TEX36: variants seen among roughly 807,000 people sequenced by gnomAD.
The protein encoded by TEX36 is testis expressed 36, also known as testis-expressed protein 36.
TEX36 carries 12 observed loss-of-function variants against 13.6 expected under a neutral mutation model. The ratio of observed to expected loss-of-function variants is 0.88; its 90% CI spans 0.56 to 1.43. TEX36 has a LOEUF of 1.43. Ranked by LOEUF, TEX36 falls within the 40% of genes most tolerant of loss-of-function variation. TEX36 has a pLI of 0.00. For synonymous variants in TEX36, 93 were observed against 83.0 expected (o/e 1.12, Z -0.65); for missense variants, 224 against 228.3 (o/e 0.98, Z 0.12).
At chr10:125,580,730 T>C (rs764425640) in intron 3 of TEX36, among the ~76,000 whole-genome samples, 11 of 152,088 alleles carry the variant, frequency 7.2e-5, no homozygotes, top group Non-Finnish European at 1.3e-4. Flanking sequence ...CGCTTCCAGT[T>C]ACAGGCCCCA....
intron 3 of TEX36, among the ~76,000 whole-genome samples, chr10:125,597,171 T>C (rs1394048454): frequency 6.6e-6 from 1 of 152,176 alleles, no homozygotes; most frequent in Non-Finnish European, 1.5e-5. Flanking sequence ...TTGTAGTCCA[T>C]CTGTCTTCTC....
chr10:125,659,632 G>A (rs10901413), intron 3 of TEX36, among the ~76,000 whole-genome samples: 16,690 of 152,098 alleles, frequency 0.11, 1,329 homozygotes, highest in East Asian at 0.3. Context: ...TGGGGTTAAG[G>A]CACTTCTATT....
chr10:125,618,226 G>C (rs962162631), downstream of TEX36, among the ~76,000 whole-genome samples: 1 of 152,114 alleles, frequency 6.6e-6, no homozygotes, highest in Non-Finnish European at 1.5e-5. Context: ...TTTGCCTTTG[G>C]TTTGAATTTC....
chr10:125,606,409 A>T (rs1009300716), intron 3 of TEX36, among the ~76,000 whole-genome samples: 2 of 152,238 alleles, frequency 1.3e-5, no homozygotes, highest in Non-Finnish European at 2.9e-5. Context: ...AAACCAAGTC[A>T]TGTACACCAT....
chr10:125,678,544 C>T (rs1474367475), intron 1 of TEX36, among the ~76,000 whole-genome samples: 6 of 152,000 alleles, frequency 3.9e-5, no homozygotes, highest in Non-Finnish European at 8.8e-5. Context: ...CAGCAATGAA[C>T]GAGGCAGGTG....
At chr10:125,658,301 T>A (rs1036175182) in intron 3 of TEX36, among the ~76,000 whole-genome samples, 2 of 152,146 alleles carry the variant, frequency 1.3e-5, no homozygotes, top group East Asian at 3.9e-4. Flanking sequence ...AATTTATGGC[T>A]AAAGGCATTA....
intron 3 of TEX36, among the ~76,000 whole-genome samples, chr10:125,608,098 G>C (rs1028888863): frequency 6.6e-6 from 1 of 152,180 alleles, no homozygotes; most frequent in Non-Finnish European, 1.5e-5. Flanking sequence ...AACAGGTTTA[G>C]CAACAGCTCA....
intron 3 of TEX36, among the ~76,000 whole-genome samples, chr10:125,585,406 G>C (rs1300762828): frequency 6.6e-6 from 1 of 152,140 alleles, no homozygotes; most frequent in Non-Finnish European, 1.5e-5. Flanking sequence ...TTGAGCTGAG[G>C]AAGCTTGGGG....
At chr10:125,654,287 T>C (rs1449405530), downstream of TEX36, among the ~76,000 whole-genome samples, 2 of 152,074 alleles carry the variant, frequency 1.3e-5, no homozygotes, top group African/African-American at 4.8e-5. Flanking sequence ...AAAACCAATC[T>C]AAAAGTGCAA....
chr10:125,604,166 G>A (rs1018046085), intron 3 of TEX36, among the ~76,000 whole-genome samples: 6 of 152,086 alleles, frequency 3.9e-5, no homozygotes, highest in Non-Finnish European at 8.8e-5. Flanking sequence ...AGGGTTCCCC[G>A]ACCAGTACCA....
chr10:125,593,790 C>T (rs905124090), intron 3 of TEX36, among the ~76,000 whole-genome samples: 2 of 152,122 alleles, frequency 1.3e-5, no homozygotes, highest in African/African-American at 4.8e-5. Context: ...GTTTGATGGG[C>T]ACAGAGTTTC....
At chr10:125,638,254 C>G (rs997521144) in intron 3 of TEX36, among the ~76,000 whole-genome samples, 14 of 152,002 alleles carry the variant, frequency 9.2e-5, no homozygotes, top group African/African-American at 3.4e-4. Flanking sequence ...CTCTCCTTCC[C>G]CATCCTCAGG....
intron 3 of TEX36, among the ~76,000 whole-genome samples, chr10:125,602,226 G>A (rs1490319312): frequency 6.6e-6 from 1 of 152,212 alleles, no homozygotes; most frequent in Admixed American, 6.5e-5. Flanking sequence ...CGGGGTATGA[G>A]GCTGGCCTAG....
intron 3 of TEX36, among the ~76,000 whole-genome samples, chr10:125,581,699 T>C (rs1845885476): frequency 6.6e-6 from 1 of 152,176 alleles, no homozygotes; most frequent in Non-Finnish European, 1.5e-5. Context: ...CCTGTCATTC[T>C]CAAACAAAGA....
exon 4 of TEX36, chr10:125,576,631 A>G: frequency 7.6e-7 from 1 of 1,322,486 alleles, no homozygotes; most frequent in South Asian, 1.5e-5. Flanking sequence ...TGCTGAATAA[A>G]TCCTGGTGGT....
chr10:125,670,899 T>C (rs1847215712), intron 1 of TEX36, among the ~76,000 whole-genome samples: 1 of 152,214 alleles, frequency 6.6e-6, no homozygotes, highest in Admixed American at 6.5e-5. Context: ...TGGTTGTAGA[T>C]GAGCAGTCTT....
chr10:125,596,042 T>C (rs531252236), intron 3 of TEX36, among the ~76,000 whole-genome samples: 2 of 152,346 alleles, frequency 1.3e-5, no homozygotes, highest in African/African-American at 4.8e-5. Flanking sequence ...CCAGAAATTA[T>C]TTCAAAATAC....
intron 3 of TEX36, among the ~76,000 whole-genome samples, chr10:125,631,689 G>C (rs530270604): frequency 5.4e-4 from 82 of 152,192 alleles, no homozygotes; most frequent in Non-Finnish European, 9.1e-4. Flanking sequence ...CTGGTGGGTA[G>C]GGGGAGAAGC....
chr10:125,609,836 T>C (rs974767953), intron 3 of TEX36, among the ~76,000 whole-genome samples: 34 of 152,256 alleles, frequency 2.2e-4, no homozygotes, highest in African/African-American at 7.7e-4. Context: ...TGGGGTTATA[T>C]TCTTTCATTT....
Sources: gnomAD v4.1 joint callset for allele counts (sites outside exome capture counted in the v4.1 genomes callset) on GRCh38, gnomAD v4.1.1 for gene constraint, MANE v1.5 for transcripts, NCBI Gene and HGNC (gene_info 2026-07-23, HGNC 2026-07-21) for gene names.